Variants in SPOCK1 observed in about 807,000 individuals in gnomAD.
SPOCK1 encodes the protein SPARC (osteonectin), cwcv and kazal like domains proteoglycan 1, also known as testican-1.
Under a neutral mutation model 55.3 loss-of-function variants are expected in SPOCK1, and 23 were observed. The observed-to-expected ratio is 0.42, with a 90% CI of 0.30 to 0.59. The LOEUF is 0.59. Ranked by LOEUF, SPOCK1 falls within the 20% of genes least tolerant of loss-of-function variation. The probability of loss-of-function intolerance (pLI) is 0.22; values close to 1 mark genes in which losing one functional copy is unlikely to be tolerated. For synonymous variants in SPOCK1, 226 were observed against 221.0 expected, an observed-to-expected ratio of 1.02 and a Z score of -0.20; for missense variants, 499 against 552.5, an observed-to-expected ratio of 0.90 and a Z score of 0.97.
chr5:137,187,634 A>T (rs574131757), intron 3 of SPOCK1, among the ~76,000 whole-genome samples: 1 of 152,328 alleles, frequency 6.6e-6, no homozygotes, highest in Middle Eastern at 3.4e-3. Context: ...AGCGTGTACC[A>T]GGCACTGTGC....
intron 3 of SPOCK1, among the ~76,000 whole-genome samples, chr5:137,171,844 G>A (rs1316304643): frequency 3.3e-5 from 5 of 152,130 alleles, no homozygotes; most frequent in South Asian, 4.2e-4. Context: ...CAGTATCCTC[G>A]TACCTTTCTA....
Position 136,976,700 on chromosome 5 carries a change from G to A in SPOCK1, c.*1954C>T, listed in dbSNP as rs1369220888. The A allele has an allele frequency of 6.6e-6, 1 of 152,520 alleles. No individual in the cohort carries two copies. The highest frequency in any genetic ancestry group is 1.5e-5 in the Non-Finnish European group (1 of 68,030). The allele number at this position is 152,520 out of a possible 1,614,324, so 9.4% of individuals were successfully genotyped here. On this transcript the variant is annotated 3_prime_UTR_variant, in exon 11 of 11. Coordinates refer to ENST00000394945, the MANE Select transcript of SPOCK1 (RefSeq NM_004598.4). ...AAAATATTGAAACAAAGGTGATGGAGTTGAGATCCCAAAACAGAGTTTGCC... is the reference window on the plus strand; with the variant it reads ...AAAATATTGAAACAAAGGTGATGGAATTGAGATCCCAAAACAGAGTTTGCC...
chr5:137,132,020 A>AT (rs1491415264), intron 4 of SPOCK1, among the ~76,000 whole-genome samples: 960 of 84,000 alleles, frequency 0.011, 98 homozygotes, highest in Non-Finnish European at 0.015. Flanking sequence ...ATATATATAT[A>AT]AAAAATTAGC....
chr5:137,272,520 A>T (rs1756983996), intron 2 of SPOCK1, among the ~76,000 whole-genome samples: 1 of 152,144 alleles, frequency 6.6e-6, no homozygotes, highest in African/African-American at 2.4e-5. Flanking sequence ...GTTTTCATTC[A>T]CATCTCTGGG....
intron 5 of SPOCK1, among the ~76,000 whole-genome samples, chr5:137,107,045 T>C (rs1028368325): frequency 6.6e-6 from 1 of 152,122 alleles, no homozygotes; most frequent in Non-Finnish European, 1.5e-5. Context: ...AACCATCGCT[T>C]CCCCAAGAAG....
intron 2 of SPOCK1, among the ~76,000 whole-genome samples, chr5:137,316,779 T>C (rs1757886896): frequency 6.6e-6 from 1 of 152,216 alleles, no homozygotes; most frequent in Non-Finnish European, 1.5e-5. Context: ...GAAACCAGAA[T>C]TCTGCAGATC....
At chr5:137,024,341 C>A (rs1751632025) in intron 6 of SPOCK1, among the ~76,000 whole-genome samples, 1 of 148,732 alleles carries the variant, frequency 6.7e-6, no homozygotes, top group African/African-American at 2.5e-5. Flanking sequence ...CAACTGACTG[C>A]TCATGTTTTG....
intron 3 of SPOCK1, among the ~76,000 whole-genome samples, chr5:137,159,918 G>A (rs1002363849): frequency 6.6e-6 from 1 of 151,810 alleles, no homozygotes; most frequent in Non-Finnish European, 1.5e-5. Context: ...ATATTTTATT[G>A]GAAATCTGGC....
At position 137,088,971 on chromosome 5, in the gene SPOCK1, A is replaced by C. The variant is rs565340962; in HGVS notation, c.475-21142T>G. Among the ~76,000 whole-genome samples, 3 of 152,340 alleles carry C rather than the reference A, an allele frequency of 2.0e-5. No homozygotes were observed. The East Asian group carries it at 5.8e-4, about 29-fold the overall frequency. On this transcript the variant is annotated intron_variant, in intron 5 of 10. Coordinates refer to ENST00000394945, the MANE Select transcript of SPOCK1 (RefSeq NM_004598.4). ...GTCTTGTGAGAAGCAAGAAGCTTCT[A>C]CTGTGGGTTCTCAAGCAAAGGAGAA...
intron 4 of SPOCK1, among the ~76,000 whole-genome samples, chr5:137,132,862 G>T (rs748491873): frequency 2.0e-5 from 3 of 152,156 alleles, no homozygotes; most frequent in Non-Finnish European, 4.4e-5. Context: ...AGCTCCCAGG[G>T]CAGAGGCTCT....
rs576497560 is a variant in SPOCK1 at position 137,386,533 on chromosome 5, A to T, written c.186+111840T>A. Among the ~76,000 whole-genome samples the T allele has an allele frequency of 4.6e-5, 7 of 152,366 alleles. No individual in the cohort carries two copies. The East Asian group carries it at 1.2e-3, about 25-fold the overall frequency. On this transcript the variant is annotated intron_variant, in intron 2 of 10. Transcript: ENST00000394945. ...GAAATAGACCCACATAGATGTAGTC[A>T]ACTGATCTTTGACAGGGAAGCAAAT... is the stretch of plus-strand genomic sequence containing the variant.
In SPOCK1 at chr5:137,251,695, G is replaced by A. The variant is rs548415909; in HGVS notation, c.232+15315C>T. Among the ~76,000 whole-genome samples, 10 of 152,316 alleles carry A rather than the reference G, an allele frequency of 6.6e-5. 1 individual carries two copies. The highest frequency in any genetic ancestry group is 6.8e-3 in the Middle Eastern group (2 of 294). Reference sequence around the variant, plus strand: ...TAGGCACCAGCAAAATGGTGCCACAGATGGGCTTTTAGATGCCTGCATGAG... The same window carrying A: ...TAGGCACCAGCAAAATGGTGCCACAAATGGGCTTTTAGATGCCTGCATGAG... On this transcript the variant is annotated intron_variant, in intron 3 of 10. Transcript: ENST00000394945.
intron 2 of SPOCK1, among the ~76,000 whole-genome samples, chr5:137,498,164 A>C (rs577129153): frequency 7.2e-5 from 11 of 152,118 alleles, no homozygotes; most frequent in African/African-American, 2.6e-4. Flanking sequence ...AAGCGCATGG[A>C]GCCTTCGAAG....
intron 7 of SPOCK1, among the ~76,000 whole-genome samples, chr5:136,991,660 C>A (rs571592143): frequency 1.3e-5 from 2 of 152,304 alleles, no homozygotes; most frequent in South Asian, 4.1e-4. Flanking sequence ...ATAGAGAAGG[C>A]TGTGGCCAAA....
intron 9 of SPOCK1, among the ~76,000 whole-genome samples, chr5:136,981,612 T>C (rs1750731572): frequency 6.6e-6 from 1 of 152,220 alleles, no homozygotes. Context: ...GGTTTAGTAA[T>C]CTCATATTTT....
chr5:137,239,197 A>C (rs2127098941), intron 3 of SPOCK1, among the ~76,000 whole-genome samples: 1 of 152,298 alleles, frequency 6.6e-6, no homozygotes, highest in Admixed American at 6.5e-5. Flanking sequence ...AACAAAACAA[A>C]GCCTCTATAA....
At chr5:137,295,021 C>T (rs571008186) in intron 2 of SPOCK1, among the ~76,000 whole-genome samples, 2 of 152,270 alleles carry the variant, frequency 1.3e-5, no homozygotes, top group East Asian at 1.9e-4. Context: ...GGATTCATCA[C>T]TCATTTATTG....
chr5:137,117,257 G>A (rs556962388), intron 4 of SPOCK1, among the ~76,000 whole-genome samples: 1 of 152,148 alleles, frequency 6.6e-6, no homozygotes, highest in African/African-American at 2.4e-5. Flanking sequence ...AAGTCTATAG[G>A]ACTGGACAAT....
At chr5:137,048,741 G>A (rs1384469334) in intron 6 of SPOCK1, among the ~76,000 whole-genome samples, 16 of 106,022 alleles carry the variant, frequency 1.5e-4, no homozygotes, top group African/African-American at 5.0e-4. Context: ...AGTCTCGATG[G>A]TCTTTACATT....
Sources: gnomAD v4.1 joint callset for allele counts (sites outside exome capture counted in the v4.1 genomes callset) on GRCh38, gnomAD v4.1.1 for gene constraint, MANE v1.5 for transcripts, NCBI Gene and HGNC (gene_info 2026-07-23, HGNC 2026-07-21) for gene names.